PAPPA: variants seen among roughly 807,000 people sequenced by gnomAD.
PAPPA encodes pappalysin-1.
PAPPA carries 60 observed loss-of-function variants against 164.0 expected under a neutral mutation model. That is an observed-to-expected ratio of 0.37 (90% CI 0.30 to 0.45). The LOEUF (loss-of-function observed/expected upper bound fraction) is 0.45, where lower values mean the gene tolerates loss of function less well. Among genes scored for constraint, PAPPA ranks in the 20% least tolerant of loss-of-function variants. The pLI, the probability that PAPPA is intolerant of heterozygous loss-of-function variation, is 1.00. For missense variants in PAPPA, 1,782 were observed against 2,087.3 expected (o/e 0.85, Z 2.85); for synonymous variants, 875 against 814.1 (o/e 1.07, Z -1.27).
intron 8 of PAPPA, among the ~76,000 whole-genome samples, chr9:116,267,473 G>C (rs1769835668): frequency 6.6e-6 from 1 of 152,204 alleles, no homozygotes; most frequent in South Asian, 2.1e-4. Flanking sequence ...TAAACTTGCT[G>C]TGTAACAAGA....
In PAPPA at chr9:116,187,352, G is replaced by A. The variant is rs1389254093; in HGVS notation, c.614G>A (p.Gly205Glu). The A allele has an allele frequency of 6.2e-7, 1 of 1,613,970 alleles. No homozygotes were observed. Among genetic ancestry groups the A allele is most frequent in the Admixed American group, 1.7e-5 (1 of 60,004 alleles). The change falls in exon 2 of 22, where the codon GGG becomes GAG. Residue 205 changes from glycine to glutamate, a missense_variant. This residue lies in a region of PAPPA where 458 missense variants were observed against 430.3 expected (regional missense o/e 1.06). Transcript: ENST00000328252. This position sits in a 1 kb window ranked among gnomAD's most constrained non-coding sequence, Gnocchi z 4.2. ...GTATACCTAGCTGCCACCTATGATG[G>A]GCAGTTCATGAAGCTCTATGTGAAT... ...QWVYLAATYDGQFMKLYVNGA... is the reference protein window; with the variant it reads ...QWVYLAATYDEQFMKLYVNGA...
Position 116,154,058 on chromosome 9 carries a change from G to GA in PAPPA, c.-115_-114insA, listed in dbSNP as rs1218823800. 3 of 1,149,860 alleles carry GA rather than the reference G, an allele frequency of 2.6e-6. No individual in the cohort carries two copies. Among genetic ancestry groups the GA allele is most frequent in the Non-Finnish European group, 2.2e-6 (2 of 926,466 alleles). The allele number at this position is 1,149,860 out of a possible 1,614,324, so 71.2% of individuals were successfully genotyped here. ...AAAAGAAAAAAGCAAGTGGAAAGGG[G>GA]GGCTCGCCCAAGAAGGGTGAAGAAG... On this transcript the variant is annotated 5_prime_UTR_variant, in exon 1 of 22. Transcript: ENST00000328252. This position sits in a 1 kb window ranked among gnomAD's most constrained non-coding sequence, Gnocchi z 5.2.
chr9:116,255,220 G>A (rs1844914090), intron 7 of PAPPA, among the ~76,000 whole-genome samples: 1 of 151,960 alleles, frequency 6.6e-6, no homozygotes, highest in Admixed American at 6.6e-5. Context: ...CAAAAAGTCA[G>A]CTCAATGTCT....
At chr9:116,259,086 T>C (rs1462408662) in intron 7 of PAPPA, among the ~76,000 whole-genome samples, 4 of 152,030 alleles carry the variant, frequency 2.6e-5, no homozygotes, top group Non-Finnish European at 5.9e-5. Flanking sequence ...TAAGCCAAGA[T>C]TGCTCCACTG....
At chr9:116,312,141 T>TGAGATA (rs1845725695) in intron 10 of PAPPA, among the ~76,000 whole-genome samples, 1 of 152,178 alleles carries the variant, frequency 6.6e-6, no homozygotes, top group Non-Finnish European at 1.5e-5. Flanking sequence ...CTTCCAAACC[T>TGAGATA]GGCCTACCCC....
chr9:116,303,329 T>G (rs1845603293), intron 10 of PAPPA, among the ~76,000 whole-genome samples: 1 of 152,204 alleles, frequency 6.6e-6, no homozygotes, highest in Admixed American at 6.5e-5. Context: ...TACAGTAATT[T>G]GCTATGTGGC....
At chr9:116,227,939 T>C (rs1186547418) in intron 6 of PAPPA, among the ~76,000 whole-genome samples, 2 of 152,160 alleles carry the variant, frequency 1.3e-5, no homozygotes, top group Non-Finnish European at 2.9e-5. Flanking sequence ...GCATCAGTGG[T>C]CTTTGATTCT....
chr9:116,235,108 A>G (rs779401195), intron 6 of PAPPA, 31 bp from the exon 7 acceptor site: 5 of 1,613,818 alleles, frequency 3.1e-6, no homozygotes, highest in Non-Finnish European at 4.2e-6. Context: ...CTCTTTCCCC[A>G]AGAACTCATT....
chr9:116,236,295 T>C (rs893700299), intron 7 of PAPPA, among the ~76,000 whole-genome samples: 2 of 151,962 alleles, frequency 1.3e-5, no homozygotes, highest in African/African-American at 4.8e-5. Context: ...TCTTTCATAC[T>C]CACTTCCCGG....
chr9:116,238,945 C>T (rs891683787), intron 7 of PAPPA, among the ~76,000 whole-genome samples: 2 of 152,126 alleles, frequency 1.3e-5, no homozygotes, highest in Non-Finnish European at 2.9e-5. Context: ...GCTGCTTTCA[C>T]ATTTTTTCCA....
chr9:116,219,875 C>T (rs1844420788), intron 4 of PAPPA, 62 bp from the exon 5 acceptor site: 1 of 1,399,496 alleles, frequency 7.1e-7, no homozygotes, highest in African/African-American at 1.4e-5. Flanking sequence ...GCCGTCATTA[C>T]TCTCTCATAT....
chr9:116,197,492 C>T (rs1336293757), intron 2 of PAPPA, among the ~76,000 whole-genome samples: 2 of 152,230 alleles, frequency 1.3e-5, no homozygotes, highest in South Asian at 4.1e-4. Context: ...GGGCAGTCTA[C>T]ATGTCTGCTA....
chr9:116,288,264 G>T (rs1845366394), intron 9 of PAPPA, among the ~76,000 whole-genome samples: 1 of 152,072 alleles, frequency 6.6e-6, no homozygotes, highest in African/African-American at 2.4e-5. Context: ...AGCTACTTGG[G>T]AGGCTGAGGC....
chr9:116,321,635 C>T (rs553994783), intron 10 of PAPPA, among the ~76,000 whole-genome samples: 77 of 152,284 alleles, frequency 5.1e-4, no homozygotes, highest in Admixed American at 1.8e-3. Flanking sequence ...CCCTTTCCTG[C>T]ACTACATGGT....
rs1191306649 is a variant in PAPPA at position 116,352,857 on chromosome 9, C to G, written c.4116C>G (p.Phe1372Leu). 1 of 1,614,018 alleles carries G rather than the reference C, an allele frequency of 6.2e-7. No homozygotes were observed. The highest frequency in any genetic ancestry group is 1.3e-5 in the African/African-American group (1 of 74,940). The stretch of plus-strand genomic sequence containing the variant: ...AGAATAAGCACAAGGTGGGCTCCTT[C>G]TGCAAATACAAATGCAAGCCTGGAT... ...CRENKHKVGS[F>L]CKYKCKPGYH... Residue 1372 changes from phenylalanine to leucine, a missense_variant, in exon 16 of 22, where the codon TTC becomes TTG. Physicochemically the swap from Phe to Leu is conservative, Grantham distance 22 (BLOSUM62 0). Transcript: ENST00000328252.
At chr9:116,246,037 A>T (rs908975659) in intron 7 of PAPPA, among the ~76,000 whole-genome samples, 1 of 152,228 alleles carries the variant, frequency 6.6e-6, no homozygotes, top group Non-Finnish European at 1.5e-5. Flanking sequence ...AATTGTGTGT[A>T]GTTAACATAA....
In PAPPA at chr9:116,168,036, G is replaced by A. The variant is rs140650796; in HGVS notation, c.415+13449G>A. Among the ~76,000 whole-genome samples the A allele has an allele frequency of 8.7e-4, 132 of 152,222 alleles. 1 individual carries two copies. The East Asian group carries it at 0.022, about 25-fold the overall frequency. ...CTTCCACATCAGTGCTCTTTCCACTGGGTCACTTTATTTTCCTTTACAGTG... is the reference window on the plus strand; with the variant it reads ...CTTCCACATCAGTGCTCTTTCCACTAGGTCACTTTATTTTCCTTTACAGTG... On this transcript the variant is annotated intron_variant, in intron 1 of 21. Transcript: ENST00000328252.
intron 17 of PAPPA, among the ~76,000 whole-genome samples, chr9:116,361,331 C>A (rs887088623): frequency 2.0e-5 from 3 of 152,082 alleles, no homozygotes; most frequent in African/African-American, 4.8e-5. Context: ...CAATATGGGC[C>A]CCCTGCACAG....
At chr9:116,385,725 T>C (rs115382110) in intron 21 of PAPPA, among the ~76,000 whole-genome samples, 1,526 of 152,378 alleles carry the variant, frequency 0.01, 37 homozygotes, top group African/African-American at 0.035. Context: ...TTCTTGTTTC[T>C]TCTTGTTGGC....
Sources: allele counts gnomAD v4.1 joint callset (sites outside exome capture counted in the v4.1 genomes callset), GRCh38; gene constraint gnomAD v4.1.1; regional missense constraint gnomAD v4.1.1; non-coding constraint Gnocchi (gnomAD v3.1); transcripts MANE v1.5; gene names NCBI Gene and HGNC (gene_info 2026-07-23, HGNC 2026-07-21).